PADI6: variants seen among roughly 807,000 people sequenced by gnomAD.
The protein encoded by PADI6 is inactive protein-arginine deiminase type-6.
In PADI6, 66 loss-of-function variants were observed where a neutral mutation model predicts 78.2. The ratio of observed to expected loss-of-function variants is 0.84; its 90% confidence interval spans 0.69 to 1.04. The LOEUF (loss-of-function observed/expected upper bound fraction) is 1.04. Ranked by LOEUF, PADI6 falls within the 50% of genes least tolerant of loss-of-function variation. The probability of loss-of-function intolerance (pLI) is 0.00; values close to 1 mark genes in which losing one functional copy is unlikely to be tolerated. For missense variants in PADI6, 854 were observed against 866.1 expected (o/e 0.99, Z 0.18); for synonymous variants, 397 against 346.9 (o/e 1.14, Z -1.60).
At chr1:17,382,742 C>T (rs557323862) in intron 6 of PADI6, among the ~76,000 whole-genome samples, 1 of 152,350 alleles carries the variant, frequency 6.6e-6, no homozygotes, top group South Asian at 2.1e-4. Flanking sequence ...TGAGAGCTAG[C>T]TCTGCTTCTG....
chr1:17,388,264 C>G, intron 6 of PADI6, 117 bp from the exon 7 acceptor site: 1 of 964,836 alleles, frequency 1.0e-6, no homozygotes, highest in Non-Finnish European at 1.5e-6. Flanking sequence ...CAGCTCCAGC[C>G]CTCCTGGAAC....
At chr1:17,398,649 C>CGGGGGGGGG in intron 14 of PADI6, 37 bp from the exon 15 acceptor site, 2 of 91,312 alleles carry the variant, frequency 2.2e-5, no homozygotes, top group African/African-American at 7.2e-5. Flanking sequence ...TCTCCTTGCT[C>CGGGGGGGGG]CCCCGCCCCC....
chr1:17,391,170 G>C (rs929466793), intron 8 of PADI6, among the ~76,000 whole-genome samples: 1 of 152,120 alleles, frequency 6.6e-6, no homozygotes, highest in African/African-American at 2.4e-5. Context: ...TTAGGGCCTT[G>C]CTGACCTCCA....
rs752616539 is a variant in PADI6 at position 17,392,144 on chromosome 1, A to G, written c.993A>G (p.Thr331=). 72 of 1,560,568 alleles carry G rather than the reference A, an allele frequency of 4.6e-5. No individual in the cohort carries two copies. The highest frequency in any genetic ancestry group is 2.7e-5 in the African/African-American group (2 of 73,504). ...RELQLQGFVD[T]VTKLSEKSNS... is the part of the protein sequence containing the mutation. The stretch of plus-strand genomic sequence containing the variant: ...TGCAGCTGCAGGGTTTTGTGGACAC[A>G]GTGACGAAGCTGAGTGAGAAGAGCA... Residue 331 remains threonine (T), a synonymous_variant, in exon 9 of 16, where the codon ACA becomes ACG. Transcript: ENST00000619609.
rs775148847 is a variant in PADI6 at position 17,401,208 on chromosome 1, C to T, written c.1855C>T (p.Arg619Trp). Residue 619 changes from arginine to tryptophan, a missense_variant, in exon 16 of 16, where the codon CGG becomes TGG. Transcript: ENST00000619609. ...FARPYFPDLL[R>W]MIVMGKNLGI... Reference sequence around the variant, plus strand: ...ACCCACCCTGTCTTTCTAACAGTTGCGGATGATTGTGATGGGCAAGAACCT... The same window carrying T: ...ACCCACCCTGTCTTTCTAACAGTTGTGGATGATTGTGATGGGCAAGAACCT... 153 of 1,613,636 alleles carry T rather than the reference C, an allele frequency of 9.5e-5. No homozygotes were observed. Among genetic ancestry groups the T allele is most frequent in the South Asian group, 7.7e-4 (70 of 91,082 alleles).
intron 5 of PADI6, 34 bp from the exon 6 acceptor site, chr1:17,381,933 A>T: frequency 6.2e-7 from 1 of 1,612,478 alleles, no homozygotes; most frequent in South Asian, 1.1e-5. Flanking sequence ...TGGCCTCCAG[A>T]CATTCCTTAA....
At chr1:17,398,419 G>A (rs933337361) in intron 14 of PADI6, among the ~76,000 whole-genome samples, 1 of 152,144 alleles carries the variant, frequency 6.6e-6, no homozygotes. Flanking sequence ...GCTGGTCTGG[G>A]TTGAGAAGTG....
At position 17,372,346 on chromosome 1, in the gene PADI6, G is replaced by A. The variant is rs1570117388; in HGVS notation, c.101G>A (p.Cys34Tyr). Residue 34 changes from cysteine to tyrosine, a missense_variant, in exon 1 of 16, where the codon TGC (cysteine) becomes TAC (tyrosine). Transcript: ENST00000619609. ...HAVCVLGTEI[C>Y]LDLSGCAPQK... ...GTTTGTGTGTTGGGCACAGAAATCT[G>A]CTTGGATCTCAGCGGGTGAGATGCT... 6.2e-7 allele frequency: 1 copy of A among 1,613,958 alleles called. No individual in the cohort carries two copies. Among genetic ancestry groups the A allele is most frequent in the East Asian group, 2.2e-5 (1 of 44,838 alleles).
chr1:17,374,409 T>G (rs1301103662), intron 2 of PADI6, among the ~76,000 whole-genome samples: 1 of 152,078 alleles, frequency 6.6e-6, no homozygotes, highest in African/African-American at 2.4e-5. Flanking sequence ...GCAGATCACC[T>G]GAGGTCGGGA....
rs761059474 is a variant in PADI6 at position 17,398,764 on chromosome 1, C to G, written c.1768C>G (p.Leu590Val). 2 of 1,610,786 alleles carry G rather than the reference C, an allele frequency of 1.2e-6. No individual in the cohort carries two copies. The highest frequency in any genetic ancestry group is 2.2e-5 in the East Asian group (1 of 44,666). The change falls in exon 15 of 16, where the codon CTG becomes GTG. Residue 590 changes from leucine (L) to valine (V), a missense_variant. Coordinates refer to ENST00000619609, the MANE Select transcript of PADI6 (RefSeq NM_207421.4). Reference sequence around the variant, plus strand: ...ACAGGACATCATCGAGATTCCCCAGCTGTTCTGCTTGGAGAAGCTGACTAA... The same window carrying G: ...ACAGGACATCATCGAGATTCCCCAGGTGTTCTGCTTGGAGAAGCTGACTAA... Reference protein sequence around the residue: ...VEQDIIEIPQLFCLEKLTNIP... With the variant: ...VEQDIIEIPQVFCLEKLTNIP...
At position 17,373,228 on chromosome 1, in the gene PADI6, G is replaced by GAT; in HGVS notation, c.291_292dup (p.Lys98IlefsTer30). 6.2e-7 allele frequency: 1 copy of GAT among 1,613,896 alleles called. No homozygotes were observed. The highest frequency in any genetic ancestry group is 8.5e-7 in the Non-Finnish European group (1 of 1,179,814). ...ATCGCCCAGCCCTTCCGTGGATGCGGATAAGGTAAGCCTCAGGGGAAGAGG... is the reference window on the plus strand; with the variant it reads ...ATCGCCCAGCCCTTCCGTGGATGCGGATATAAGGTAAGCCTCAGGGGAAGAGG... On this transcript the variant is annotated frameshift_variant, in exon 2 of 16. Transcript: ENST00000619609. LOFTEE classifies it high-confidence loss of function.
intron 6 of PADI6, 40 bp from the exon 7 acceptor site, chr1:17,388,341 G>C (rs764581293): frequency 1.0e-5 from 16 of 1,552,400 alleles, no homozygotes; most frequent in Admixed American, 1.8e-5. Context: ...CCGGCACCAG[G>C]TTACTTCAGT....
intron 1 of PADI6, 37 bp from the exon 2 acceptor site, chr1:17,373,019 T>G (rs1408986278): frequency 2.6e-6 from 4 of 1,541,628 alleles, no homozygotes; most frequent in Non-Finnish European, 3.5e-6. Flanking sequence ...GAGAAGGTGT[T>G]TGTGCCCTGA....
chr1:17,382,600 G>A (rs2075083910), intron 6 of PADI6, among the ~76,000 whole-genome samples: 1 of 152,140 alleles, frequency 6.6e-6, no homozygotes, highest in African/African-American at 2.4e-5. Context: ...CTGGGAGGCA[G>A]GTAGCATACT....
chr1:17,391,512 G>A (rs1425001099), intron 8 of PADI6, among the ~76,000 whole-genome samples: 4 of 152,178 alleles, frequency 2.6e-5, no homozygotes, highest in African/African-American at 9.7e-5. Context: ...GCGCCACTGC[G>A]TCCGGCCAGA....
chr1:17,377,226 G>T (rs2075028057), intron 3 of PADI6, among the ~76,000 whole-genome samples: 1 of 151,984 alleles, frequency 6.6e-6, no homozygotes, highest in African/African-American at 2.4e-5. Flanking sequence ...GGCCTCAAGT[G>T]ATCCTCCCGC....
At chr1:17,372,398 G>A in intron 1 of PADI6, 37 bp downstream of exon 1, 1 of 1,589,766 alleles carries the variant, frequency 6.3e-7, no homozygotes, top group Non-Finnish European at 8.6e-7. Flanking sequence ...GTGGCAGGCA[G>A]ACAGGCAGGC....
Position 17,391,466 on chromosome 1 carries a change from C to T in PADI6, c.963-648C>T, listed in dbSNP as rs186403223. Reference sequence around the variant, plus strand: ...AACTCCCAGTCTTAGGTGATCCGCCCGCCTCAGCCTCCCAAAGTGCTGGGA... The same window carrying T: ...AACTCCCAGTCTTAGGTGATCCGCCTGCCTCAGCCTCCCAAAGTGCTGGGA... On this transcript the variant is annotated intron_variant, in intron 8 of 15. Transcript: ENST00000619609. 8.5e-4 allele frequency among the ~76,000 whole-genome samples: 130 copies of T among 152,256 alleles called. 3 individuals are homozygous for T. In the East Asian group the frequency reaches 0.018, roughly 21 times the overall value.
intron 1 of PADI6, among the ~76,000 whole-genome samples, chr1:17,372,681 A>G (rs2074973741): frequency 1.3e-5 from 2 of 152,258 alleles, no homozygotes; most frequent in South Asian, 4.2e-4. Context: ...AGACTGCTAG[A>G]TGCTGGAGCC....
Sources: allele counts gnomAD v4.1 joint callset (sites outside exome capture counted in the v4.1 genomes callset), GRCh38; gene constraint gnomAD v4.1.1; transcripts MANE v1.5; gene names NCBI Gene and HGNC (gene_info 2026-07-23, HGNC 2026-07-21).